The following IREB2 variants were observed in gnomAD, a reference collection of about 807,000 sequenced individuals.
IREB2 encodes iron-responsive element-binding protein 2.
Under a neutral mutation model 118.8 loss-of-function variants are expected in IREB2, and 39 were observed. The ratio of observed to expected loss-of-function variants is 0.33; its 90% CI spans 0.25 to 0.43. IREB2 has a LOEUF of 0.43. Among genes scored for constraint, IREB2 ranks in the 20% least tolerant of loss-of-function variants. The pLI is 1.00. For synonymous variants in IREB2, 372 were observed against 392.2 expected (o/e 0.95, Z 0.61); for missense variants, 900 against 1,147.3 (o/e 0.78, Z 3.11).
intron 2 of IREB2, among the ~76,000 whole-genome samples, chr15:78,444,416 C>G (rs1044462983): frequency 6.6e-6 from 1 of 152,130 alleles, no homozygotes; most frequent in African/African-American, 2.4e-5. Context: ...GTACCTGTTA[C>G]TGGGCAACAG....
At chr15:78,485,434 G>A (rs1342046621) in intron 12 of IREB2, among the ~76,000 whole-genome samples, 2 of 151,978 alleles carry the variant, frequency 1.3e-5, no homozygotes, top group Non-Finnish European at 2.9e-5. Context: ...AAATGGTTTT[G>A]TTAACATGTA....
At chr15:78,490,311 G>A (rs931286849) in intron 16 of IREB2, 111 bp from the exon 17 acceptor site, 56 of 599,914 alleles carry the variant, frequency 9.3e-5, no homozygotes, top group Non-Finnish European at 1.3e-4. Flanking sequence ...TATTTTTGTT[G>A]TTGTTGTTGT....
intron 8 of IREB2, chr15:78,475,061 C>CAAAAAAAAAAAAAA (rs67418312): frequency 1.4e-5 from 1 of 69,950 alleles, no homozygotes; most frequent in Non-Finnish European, 2.5e-5. Context: ...GACTCTGTCT[C>CAAAAAAAAAAAAAA]AAAAAAAAAA....
chr15:78,445,763 T>C (rs988710742), intron 2 of IREB2, among the ~76,000 whole-genome samples: 6 of 152,090 alleles, frequency 3.9e-5, no homozygotes, highest in African/African-American at 1.4e-4. Flanking sequence ...TACCTCTAGG[T>C]GACTCTTTTA....
At chr15:78,447,097 A>G (rs2050942679) in intron 2 of IREB2, among the ~76,000 whole-genome samples, 1 of 152,128 alleles carries the variant, frequency 6.6e-6, no homozygotes, top group African/African-American at 2.4e-5. Flanking sequence ...TGTTCCCTTC[A>G]GTAGGCATGC....
chr15:78,473,470 A>T, intron 8 of IREB2, 89 bp downstream of exon 8: 3 of 1,024,712 alleles, frequency 2.9e-6, no homozygotes, highest in Non-Finnish European at 4.4e-6. Flanking sequence ...ATTTGGGTTC[A>T]TTACTGCATC....
chr15:78,443,243 T>C (rs372995698), intron 2 of IREB2, among the ~76,000 whole-genome samples: 2 of 152,232 alleles, frequency 1.3e-5, no homozygotes, highest in African/African-American at 4.8e-5. Flanking sequence ...GTCTTTCTCT[T>C]TCAAAGTATC....
chr15:78,482,089 G>T (rs571198988), intron 10 of IREB2, among the ~76,000 whole-genome samples: 3 of 152,110 alleles, frequency 2.0e-5, no homozygotes, highest in African/African-American at 7.2e-5. Flanking sequence ...ACTTAGCCAG[G>T]CGTGGTGGCG....
chr15:78,475,584 G>A (rs2051455167), intron 8 of IREB2: 1 of 152,182 alleles, frequency 6.6e-6, no homozygotes, highest in Admixed American at 6.5e-5. Context: ...AAAGGGCTGT[G>A]TGCAGTGGCT....
In IREB2 at chr15:78,488,268, C is replaced by T. The variant is rs780807747; in HGVS notation, c.1883C>T (p.Ser628Phe). 6.2e-7 allele frequency: 1 copy of T among 1,612,036 alleles called. No homozygotes were observed. Among genetic ancestry groups the T allele is most frequent in the East Asian group, 2.2e-5 (1 of 44,718 alleles). The stretch of plus-strand genomic sequence containing the variant: ...TGTGTTCGTGCCAATTATCTTGCCT[C>T]TCCACCCTTAGTGGTAGCTTATGCC... ...CDCVRANYLA[S>F]PPLVVAYAIA... is the part of the protein sequence containing the mutation. Residue 628 changes from serine (S) to phenylalanine (F), a missense_variant, in exon 15 of 22, where the codon TCT becomes TTT. Physicochemically the swap from Ser to Phe is radical, Grantham distance 155 (BLOSUM62 -2). Coordinates refer to ENST00000258886, the MANE Select transcript of IREB2 (RefSeq NM_004136.4).
chr15:78,445,216 C>A (rs897807564), intron 2 of IREB2, among the ~76,000 whole-genome samples: 1 of 150,400 alleles, frequency 6.6e-6, no homozygotes, highest in Non-Finnish European at 1.5e-5. Context: ...CAGTTCATTG[C>A]GTCCTCCAAC....
intron 21 of IREB2, 44 bp from the exon 22 acceptor site, chr15:78,497,988 TG>T: frequency 9.2e-7 from 1 of 1,082,812 alleles, no homozygotes; most frequent in Admixed American, 1.7e-5. Flanking sequence ...AAGTAGCACC[TG>T]GAAGATTTAC....
At chr15:78,477,397 A>G (rs1482074425) in intron 9 of IREB2, among the ~76,000 whole-genome samples, 1 of 152,130 alleles carries the variant, frequency 6.6e-6, no homozygotes, top group Non-Finnish European at 1.5e-5. Context: ...GCAATCCTGA[A>G]GGCTTGTTGT....
intron 2 of IREB2, among the ~76,000 whole-genome samples, chr15:78,457,701 G>A (rs1356945367): frequency 6.6e-6 from 1 of 151,842 alleles, no homozygotes; most frequent in Non-Finnish European, 1.5e-5. Flanking sequence ...CATCCATCTA[G>A]TAATACTTTG....
At chr15:78,491,370 A>G (rs914030995) in intron 18 of IREB2, among the ~76,000 whole-genome samples, 3 of 152,222 alleles carry the variant, frequency 2.0e-5, no homozygotes, top group African/African-American at 7.2e-5. Flanking sequence ...TTGACAATAG[A>G]GACAAAGTTT....
intron 1 of IREB2, among the ~76,000 whole-genome samples, chr15:78,439,060 C>T (rs2050804042): frequency 6.6e-6 from 1 of 152,142 alleles, no homozygotes; most frequent in South Asian, 2.1e-4. Flanking sequence ...TCTGAAGGTT[C>T]TTTTCAACCT....
Position 78,483,429 on chromosome 15 carries a change from GA to G in IREB2, c.1412del (p.Lys471ArgfsTer72). The G allele has an allele frequency of 6.6e-7, 1 of 1,523,390 alleles. No homozygotes were observed. Among genetic ancestry groups the G allele is most frequent in the Non-Finnish European group, 9.1e-7 (1 of 1,097,362 alleles). The allele number at this position is 1,523,390 out of a possible 1,614,324, so 94.4% of individuals were successfully genotyped here. A position where few individuals can be genotyped will look rare whatever the true frequency, so the allele number is the denominator to read the frequency against. On this transcript the variant is annotated frameshift_variant, in exon 11 of 22. Coordinates refer to ENST00000258886, the MANE Select transcript of IREB2 (RefSeq NM_004136.4). LOFTEE classifies it high-confidence loss of function. The part of the protein sequence containing the change: ...MKSDFQACLN[E>X]KVGFKGFQIA... ...AAGCGATTTCCAGGCTTGCTTAAAT[GA>G]AAAGGTAGGTTACTTTATTCTTATC...
intron 10 of IREB2, among the ~76,000 whole-genome samples, chr15:78,482,923 T>C (rs1304659550): frequency 6.6e-6 from 1 of 152,056 alleles, no homozygotes; most frequent in Non-Finnish European, 1.5e-5. Flanking sequence ...AATTTTTTAG[T>C]AGAGACGAGG....
chr15:78,438,280 G>A lies in IREB2; in HGVS notation c.-58G>A. On this transcript the variant is annotated 5_prime_UTR_variant, in exon 1 of 22. Coordinates refer to ENST00000258886, the MANE Select transcript of IREB2 (RefSeq NM_004136.4). The stretch of plus-strand genomic sequence containing the variant: ...TCTTCCTCCCCGTCTTCCCTGCCCG[G>A]CCTCCCCCTTCTTCCCCCGCTGGCC... 1 of 1,379,008 alleles carries A rather than the reference G, an allele frequency of 7.3e-7. No individual in the cohort carries two copies. The highest frequency in any genetic ancestry group is 1.0e-6 in the Non-Finnish European group (1 of 986,786). 85.4% of individuals were successfully genotyped at this position (1,379,008 alleles called of 1,614,324 possible).
Sources: allele counts gnomAD v4.1 joint callset (sites outside exome capture counted in the v4.1 genomes callset), GRCh38; gene constraint gnomAD v4.1.1; transcripts MANE v1.5; gene names NCBI Gene and HGNC (gene_info 2026-07-23, HGNC 2026-07-21).